Variants in PTPRT observed in about 807,000 individuals in gnomAD.
PTPRT encodes protein tyrosine phosphatase receptor type T, also known as receptor-type tyrosine-protein phosphatase T.
A neutral mutation model predicts 176.8 loss-of-function variants in PTPRT; 56 were observed. That is an observed-to-expected ratio of 0.32 (90% CI 0.26 to 0.40). The LOEUF (loss-of-function observed/expected upper bound fraction) is 0.40. Ranked by LOEUF, PTPRT falls within the 10% of genes least tolerant of loss-of-function variation. The pLI is 1.00. For synonymous variants in PTPRT, 783 were observed against 739.0 expected (o/e 1.06, Z -0.96); for missense variants, 1,540 against 1,908.2 (o/e 0.81, Z 3.60).
intron 1 of PTPRT, among the ~76,000 whole-genome samples, chr20:43,125,944 G>A (rs1450764230): frequency 6.6e-6 from 1 of 152,208 alleles, no homozygotes; most frequent in Admixed American, 6.5e-5. Context: ...GAGGCATTCT[G>A]GATAAGGTAA....
chr20:42,180,724 G>A (rs1040277145), intron 16 of PTPRT, among the ~76,000 whole-genome samples: 1 of 152,290 alleles, frequency 6.6e-6, no homozygotes, highest in East Asian at 1.9e-4. Flanking sequence ...AGAGAGTAGT[G>A]CAATCTTAGA....
At chr20:42,434,060 C>T (rs998939437) in intron 9 of PTPRT, among the ~76,000 whole-genome samples, 3 of 151,786 alleles carry the variant, frequency 2.0e-5, no homozygotes, top group African/African-American at 7.3e-5. Flanking sequence ...ATATGTTGGG[C>T]ATAGTGAAAA....
At chr20:42,644,097 CT>C (rs1399887048) in intron 7 of PTPRT, among the ~76,000 whole-genome samples, 2 of 152,156 alleles carry the variant, frequency 1.3e-5, no homozygotes, top group African/African-American at 2.4e-5. Flanking sequence ...CCTAACTGCA[CT>C]CTTGCCACTT....
intron 12 of PTPRT, among the ~76,000 whole-genome samples, chr20:42,288,018 T>C (rs567076078): frequency 9.6e-4 from 146 of 152,112 alleles, no homozygotes; most frequent in Non-Finnish European, 1.2e-3. Context: ...ATTTTTTTGT[T>C]ACAACATGCA....
the PTPRT span, among the ~76,000 whole-genome samples, chr20:42,051,864 C>T: frequency 9.2e-5 from 14 of 152,298 alleles, no homozygotes; most frequent in African/African-American, 3.1e-4. Flanking sequence ...TGTTTTTGAG[C>T]GTCCACATTT....
intron 16 of PTPRT, among the ~76,000 whole-genome samples, chr20:42,183,431 G>A (rs1033530396): frequency 6.6e-6 from 1 of 152,176 alleles, no homozygotes; most frequent in Admixed American, 6.5e-5. Context: ...GACTCTGGAT[G>A]TTAGGGAATA....
intron 2 of PTPRT, among the ~76,000 whole-genome samples, chr20:42,841,470 T>C (rs1450049291): frequency 6.6e-6 from 1 of 152,134 alleles, no homozygotes; most frequent in Non-Finnish European, 1.5e-5. Flanking sequence ...TAGTGAGATC[T>C]GGGGCAACAT....
chr20:43,101,281 T>C (rs2012383416), intron 1 of PTPRT, among the ~76,000 whole-genome samples: 1 of 152,092 alleles, frequency 6.6e-6, no homozygotes, highest in African/African-American at 2.4e-5. Flanking sequence ...TAAAAGACTC[T>C]TTGCAATGAA....
At chr20:42,884,071 C>G (rs1205640911) in intron 2 of PTPRT, among the ~76,000 whole-genome samples, 1 of 151,908 alleles carries the variant, frequency 6.6e-6, no homozygotes, top group Non-Finnish European at 1.5e-5. Context: ...TATGTTTAAG[C>G]AGAGGTGTCT....
chr20:42,347,744 C>T (rs1021704131), intron 11 of PTPRT, among the ~76,000 whole-genome samples: 1 of 152,194 alleles, frequency 6.6e-6, no homozygotes, highest in African/African-American at 2.4e-5. Context: ...AAACCTGTCC[C>T]CGCCTCCAAA....
intron 7 of PTPRT, among the ~76,000 whole-genome samples, chr20:42,484,410 A>G (rs1171072732): frequency 6.6e-6 from 1 of 152,210 alleles, no homozygotes; most frequent in Non-Finnish European, 1.5e-5. Flanking sequence ...GTTGAGCATT[A>G]CACAATTTCT....
At chr20:42,256,514 T>A (rs1341138012) in intron 13 of PTPRT, among the ~76,000 whole-genome samples, 28 of 141,912 alleles carry the variant, frequency 2.0e-4, no homozygotes, top group Admixed American at 3.6e-4. Context: ...AAAAAAAAAA[T>A]GTATTTCAGA....
intron 2 of PTPRT, among the ~76,000 whole-genome samples, chr20:42,814,177 T>G (rs1168270539): frequency 2.6e-5 from 4 of 152,216 alleles, no homozygotes; most frequent in Admixed American, 2.6e-4. Flanking sequence ...GTCTCCTGTT[T>G]CTTTCCATAC....
intron 1 of PTPRT, among the ~76,000 whole-genome samples, chr20:43,036,865 A>G (rs181186521): frequency 6.6e-6 from 1 of 152,334 alleles, no homozygotes; most frequent in East Asian, 1.9e-4. Context: ...AAAATGGTCA[A>G]TCAACTTATA....
intron 1 of PTPRT, among the ~76,000 whole-genome samples, chr20:42,900,063 A>T (rs907758751): frequency 6.6e-6 from 1 of 152,210 alleles, no homozygotes; most frequent in African/African-American, 2.4e-5. Context: ...AAATAACATC[A>T]CCCAAATATC....
In PTPRT at chr20:42,994,282, T is replaced by C. The variant is rs182938480; in HGVS notation, c.89-108350A>G. 5.8e-4 allele frequency among the ~76,000 whole-genome samples: 88 copies of C among 152,300 alleles called. 1 individual carries two copies. The highest frequency in any genetic ancestry group is 1.8e-3 in the African/African-American group (75 of 41,568). On this transcript the variant is annotated intron_variant, in intron 1 of 30. Coordinates refer to ENST00000373187, the MANE Select transcript of PTPRT (RefSeq NM_007050.6). ...ACTCCACTCTAATGCTCCACACTTTTTCTCTTCTTCCTTCCAGGCTGAACT... is the reference window on the plus strand; with the variant it reads ...ACTCCACTCTAATGCTCCACACTTTCTCTCTTCTTCCTTCCAGGCTGAACT...
At position 43,130,129 on chromosome 20, in the gene PTPRT, G is replaced by A. The variant is rs1371140493; in HGVS notation, c.88+59517C>T. Among the ~76,000 whole-genome samples the A allele has an allele frequency of 2.0e-5, 3 of 152,216 alleles. No homozygotes were observed. In the East Asian group the frequency reaches 5.8e-4, roughly 29 times the overall value. ...TATTTGGATTCCCATTGATAGTCTT[G>A]ATGATGTGAGTGGATAAGTGAATGC... On this transcript the variant is annotated intron_variant, in intron 1 of 30. Coordinates refer to ENST00000373187, the MANE Select transcript of PTPRT (RefSeq NM_007050.6).
At chr20:43,159,033 T>C in intron 1 of PTPRT, among the ~76,000 whole-genome samples, 1 of 152,200 alleles carries the variant, frequency 6.6e-6, no homozygotes, top group South Asian at 2.1e-4. Flanking sequence ...ATCATTTATT[T>C]GGAAGGTAAT....
At chr20:42,047,202 A>G in the PTPRT span, among the ~76,000 whole-genome samples, 633 of 152,334 alleles carry the variant, frequency 4.2e-3, 4 homozygotes, top group Non-Finnish European at 5.6e-3. Flanking sequence ...GGTACAGCCT[A>G]TTGGGTGATA....
Sources: allele counts gnomAD v4.1 joint callset (sites outside exome capture counted in the v4.1 genomes callset), GRCh38; gene constraint gnomAD v4.1.1; transcripts MANE v1.5; gene names NCBI Gene and HGNC (gene_info 2026-07-23, HGNC 2026-07-21).